Variants in CLCN5 observed in about 807,000 individuals in gnomAD.
CLCN5 encodes Cl-/H+ antiporter 5.
Under a neutral mutation model 54.0 loss-of-function variants are expected in CLCN5, and 17 were observed. The ratio of observed to expected loss-of-function variants is 0.31; its 90% CI spans 0.22 to 0.47. The LOEUF is 0.47. Among genes scored for constraint, CLCN5 ranks in the 20% least tolerant of loss-of-function variants. The pLI is 1.00. For synonymous variants in CLCN5, 222 were observed against 233.0 expected (o/e 0.95, Z 0.43); for missense variants, 448 against 646.7 (o/e 0.69, Z 3.33).
intron 9 of CLCN5, among the ~76,000 whole-genome samples, chrX:50,083,827 A>G (rs988106127): frequency 9.8e-5 from 11 of 112,329 alleles, no homozygotes; most frequent in African/African-American, 3.6e-4. Context: ...AAATATTATA[A>G]TGGTTAAGAG....
chrX:50,082,311 T>G, intron 9 of CLCN5, among the ~76,000 whole-genome samples: 1 of 109,480 alleles, frequency 9.1e-6, no homozygotes, highest in East Asian at 2.9e-4. Context: ...CCCAAACTGG[T>G]TTTACTTTTT....
chrX:50,078,833 T>C (rs2147570535), intron 7 of CLCN5, among the ~76,000 whole-genome samples: 1 of 112,275 alleles, frequency 8.9e-6, no homozygotes, highest in East Asian at 2.8e-4. Flanking sequence ...TTTGTTTGTT[T>C]GTTTTTTGAG....
At chrX:50,033,540 C>T (rs1371726540) in intron 3 of CLCN5, among the ~76,000 whole-genome samples, 3 of 111,597 alleles carry the variant, frequency 2.7e-5, no homozygotes, top group Non-Finnish European at 5.6e-5. Flanking sequence ...AACGGAAGAA[C>T]ATTCCATGCC....
chrX:49,938,530 C>A (rs1926132365), intron 3 of CLCN5, among the ~76,000 whole-genome samples: 1 of 110,816 alleles, frequency 9.0e-6, no homozygotes, highest in Admixed American at 9.6e-5. Flanking sequence ...CGAAAACAAG[C>A]AATGGGGAAA....
At chrX:50,046,176 A>G (rs188977856) in intron 4 of CLCN5, among the ~76,000 whole-genome samples, 11 of 112,475 alleles carry the variant, frequency 9.8e-5, no homozygotes, top group African/African-American at 3.5e-4. Flanking sequence ...GAGTTTGAGT[A>G]ACAGAAAAAC....
At chrX:50,040,001 T>G (rs2147473001) in intron 3 of CLCN5, among the ~76,000 whole-genome samples, 1 of 112,149 alleles carries the variant, frequency 8.9e-6, no homozygotes, top group South Asian at 3.8e-4. Flanking sequence ...CTGATTTTCT[T>G]TTTTCTTAAA....
In CLCN5 at chrX:49,996,040, A is replaced by G. The variant is rs782513230; in HGVS notation, c.17-46276A>G. Among the ~76,000 whole-genome samples the G allele has an allele frequency of 2.1e-4, 24 of 112,161 alleles. 1 individual carries two copies. The highest frequency in any genetic ancestry group is 7.1e-4 in the African/African-American group (22 of 30,829). On this transcript the variant is annotated intron_variant, in intron 3 of 14. Transcript: ENST00000376091. ...AGATACCTAAGTCTTGGCCTAAGCC[A>G]TTATCTATCTCTGTGTTAGTGCTGG...
At chrX:49,962,669 T>C (rs1272223363) in intron 3 of CLCN5, among the ~76,000 whole-genome samples, 2 of 111,946 alleles carry the variant, frequency 1.8e-5, no homozygotes, top group African/African-American at 6.5e-5. Context: ...GATCGGACTT[T>C]ATCAGACTAC....
chrX:49,925,278 G>A lies in CLCN5; in HGVS notation c.-21G>A, dbSNP rs373283389. The A allele has an allele frequency of 3.1e-5, 37 of 1,207,891 alleles. No individual in the cohort carries two copies. In the African/African-American group the frequency reaches 3.3e-4, roughly 11 times the overall value. On this transcript the variant is annotated 5_prime_UTR_variant, in exon 3 of 15. The change creates a new upstream start codon in the 5' untranslated region. Coordinates refer to ENST00000376091, the MANE Select transcript of CLCN5 (RefSeq NM_001127898.4). ...GGGAAACTCAGCCTGTGACCCCAGC[G>A]TGGGTGAAGATAGGATCAAGATGGC...
At chrX:50,091,288 A>G (rs1366054934) in intron 14 of CLCN5, among the ~76,000 whole-genome samples, 2 of 111,795 alleles carry the variant, frequency 1.8e-5, no homozygotes, top group Non-Finnish European at 3.8e-5. Flanking sequence ...AGATTTATAC[A>G]AAGTTCTCCA....
At chrX:49,927,824 C>A (rs1443764413) in intron 3 of CLCN5, among the ~76,000 whole-genome samples, 3 of 112,062 alleles carry the variant, frequency 2.7e-5, no homozygotes, top group Non-Finnish European at 5.6e-5. Flanking sequence ...ATTATTCAGC[C>A]ATAAAAAGAA....
chrX:49,992,864 T>G (rs1398296204), intron 3 of CLCN5, among the ~76,000 whole-genome samples: 5 of 112,231 alleles, frequency 4.5e-5, no homozygotes, highest in Admixed American at 2.8e-4. Flanking sequence ...TATAAAGTTC[T>G]GCTGACCCAT....
chrX:49,952,989 G>A (rs1380115527), intron 3 of CLCN5, among the ~76,000 whole-genome samples: 6 of 108,495 alleles, frequency 5.5e-5, no homozygotes, highest in Admixed American at 2.0e-4. Context: ...GGGTTCAAGC[G>A]ATTCTCCTGC....
chrX:50,007,433 C>G (rs868971014), intron 3 of CLCN5, among the ~76,000 whole-genome samples: 9 of 90,533 alleles, frequency 9.9e-5, no homozygotes, highest in South Asian at 4.6e-4. Flanking sequence ...CTCTCTCTCT[C>G]TCTCTGTCAC....
Position 50,097,849 on chromosome X carries a change from T to G in CLCN5, c.*5630T>G, listed in dbSNP as rs1350766688. ...GCTTTAGCATCTCAAGGCAGACATA[T>G]GAAGTATTTACTGCTAAACTATATT... On this transcript the variant is annotated 3_prime_UTR_variant, in exon 15 of 15. Coordinates refer to ENST00000376091, the MANE Select transcript of CLCN5 (RefSeq NM_001127898.4). 1 of 112,365 alleles carries G rather than the reference T, an allele frequency of 8.9e-6. No individual in the cohort carries two copies. The highest frequency in any genetic ancestry group is 3.2e-5 in the African/African-American group (1 of 30,820). 9.3% of individuals were successfully genotyped at this position (112,365 alleles called of 1,213,427 possible). A position where few individuals can be genotyped will look rare whatever the true frequency, so the allele number is the denominator to read the frequency against.
chrX:49,943,788 C>T (rs1926527037), intron 3 of CLCN5, among the ~76,000 whole-genome samples: 1 of 111,744 alleles, frequency 8.9e-6, no homozygotes, highest in South Asian at 3.7e-4. Flanking sequence ...CAGTACCATA[C>T]TGTTTTGGTT....
chrX:49,963,139 G>C (rs139738117), intron 3 of CLCN5, among the ~76,000 whole-genome samples: 3 of 111,947 alleles, frequency 2.7e-5, no homozygotes, highest in South Asian at 3.7e-4. Flanking sequence ...TAAAAGGATG[G>C]GTGCGAGAAT....
intron 3 of CLCN5, among the ~76,000 whole-genome samples, chrX:49,938,163 A>C (rs1044636830): frequency 1.1e-4 from 12 of 111,634 alleles, no homozygotes; most frequent in Non-Finnish European, 2.1e-4. Flanking sequence ...GTAGAACACA[A>C]GACAGGTTTT....
chrX:50,042,432 G>A lies in CLCN5; in HGVS notation c.133G>A (p.Asp45Asn). 2 of 1,116,853 alleles carry A rather than the reference G, an allele frequency of 1.8e-6. No individual in the cohort carries two copies. Among genetic ancestry groups the A allele is most frequent in the Non-Finnish European group, 2.4e-6 (2 of 837,580 alleles). The allele number at this position is 1,116,853 out of a possible 1,213,427, so 92.0% of individuals were successfully genotyped here. ...ATAMDFSMRDDVPPLDREVGE... is the reference protein window; with the variant it reads ...ATAMDFSMRDNVPPLDREVGE... Reference sequence around the variant, plus strand: ...CGCTATGGATTTCTCCATGAGAGATGATGTTCCTCCCTTAGACCGAGAAGT... The same window carrying A: ...CGCTATGGATTTCTCCATGAGAGATAATGTTCCTCCCTTAGACCGAGAAGT... The change falls in exon 4 of 15, where the codon GAT becomes AAT. Residue 45 changes from aspartate to asparagine, a missense_variant. This residue lies in a region of CLCN5 where 69 missense variants were observed against 60.9 expected (regional missense o/e 1.13). Coordinates refer to ENST00000376091, the MANE Select transcript of CLCN5 (RefSeq NM_001127898.4).
Sources: gnomAD v4.1 joint callset for allele counts (sites outside exome capture counted in the v4.1 genomes callset) on GRCh38, gnomAD v4.1.1 for gene constraint, gnomAD v4.1.1 regional missense constraint, MANE v1.5 for transcripts, NCBI Gene and HGNC (gene_info 2026-07-23, HGNC 2026-07-21) for gene names.